KATNA1: variants seen among roughly 807,000 people sequenced by gnomAD.
KATNA1 encodes katanin p60 ATPase-containing subunit A1.
In KATNA1, 42 loss-of-function variants were observed where a neutral mutation model predicts 62.6. That is an observed-to-expected ratio of 0.67 (90% confidence interval 0.52 to 0.87). The LOEUF is 0.87. Ranked by LOEUF, KATNA1 falls within the 40% of genes least tolerant of loss-of-function variation. KATNA1 has a pLI of 0.00. For missense variants in KATNA1, 498 were observed against 612.5 expected (o/e 0.81, Z 1.97); for synonymous variants, 186 against 201.9 (o/e 0.92, Z 0.67).
intron 1 of KATNA1, 50 bp downstream of exon 1, chr6:149,648,419 G>A: frequency 6.6e-6 from 1 of 152,450 alleles, no homozygotes; most frequent in Non-Finnish European, 1.5e-5. Context: ...TCACCAGCCC[G>A]GCCCTGGAAA....
chr6:149,618,097 G>A (rs1325683127), intron 4 of KATNA1, among the ~76,000 whole-genome samples: 1 of 149,150 alleles, frequency 6.7e-6, no homozygotes, highest in Admixed American at 6.7e-5. Context: ...GGAGGTTGCA[G>A]TGAGCTGAGA....
chr6:149,600,855 G>A (rs1452020737), intron 7 of KATNA1, among the ~76,000 whole-genome samples: 3 of 151,672 alleles, frequency 2.0e-5, no homozygotes, highest in Non-Finnish European at 4.4e-5. Flanking sequence ...GATGGGAAGA[G>A]CACTTGGGCC....
rs1360690598 is a variant in KATNA1 at position 149,601,588 on chromosome 6, A to G, written c.888+6T>C. ...AAGAATCATTAGAGCTGTCTCAAACATTCACCATTTCAAACAGAAGACGAA... is the reference window on the plus strand; with the variant it reads ...AAGAATCATTAGAGCTGTCTCAAACGTTCACCATTTCAAACAGAAGACGAA... On this transcript the variant is annotated splice_donor_region_variant and intron_variant, in intron 7 of 10. Coordinates refer to ENST00000367411, the MANE Select transcript of KATNA1 (RefSeq NM_007044.4). 2 of 1,599,024 alleles carry G rather than the reference A, an allele frequency of 1.3e-6. No homozygotes were observed. The highest frequency in any genetic ancestry group is 2.2e-5 in the East Asian group (1 of 44,578).
At chr6:149,622,891 C>G (rs1462913291) in intron 4 of KATNA1, among the ~76,000 whole-genome samples, 2 of 152,092 alleles carry the variant, frequency 1.3e-5, no homozygotes, top group African/African-American at 4.8e-5. Flanking sequence ...CACTTGTAAT[C>G]CCTGCCACTC....
At chr6:149,623,724 C>G (rs577025121) in intron 3 of KATNA1, among the ~76,000 whole-genome samples, 1 of 151,846 alleles carries the variant, frequency 6.6e-6, no homozygotes, top group African/African-American at 2.4e-5. Flanking sequence ...GGCAACAGAA[C>G]GAGACTCCGT....
In KATNA1 at chr6:149,632,890, A is replaced by G; in HGVS notation, c.189T>C (p.Ala63=). 1 of 1,608,214 alleles carries G rather than the reference A, an allele frequency of 6.2e-7. No individual in the cohort carries two copies. Among genetic ancestry groups the G allele is most frequent in the Non-Finnish European group, 8.5e-7 (1 of 1,178,804 alleles). Reference sequence around the variant, plus strand: ...TTTTCATGATATCTTTAACATGTTTAGCTTCCACATTTATTTCCTGCCAAA... The same window carrying G: ...TTTTCATGATATCTTTAACATGTTTGGCTTCCACATTTATTTCCTGCCAAA... The part of the protein sequence containing the change: ...QQVWQEINVE[A]KHVKDIMKTL... Residue 63 remains alanine, a synonymous_variant, in exon 3 of 11, where the codon GCT becomes GCC. Coordinates refer to ENST00000367411, the MANE Select transcript of KATNA1 (RefSeq NM_007044.4).
At chr6:149,637,143 G>A (rs1780092976) in intron 2 of KATNA1, among the ~76,000 whole-genome samples, 5 of 151,856 alleles carry the variant, frequency 3.3e-5, no homozygotes, top group African/African-American at 1.2e-4. Context: ...CAGGCATGGT[G>A]GCTCACACCT....
rs931616778 is a variant in KATNA1 at position 149,599,647 on chromosome 6, A to G, written c.889-1297T>C. 4.0e-5 allele frequency among the ~76,000 whole-genome samples: 6 copies of G among 151,786 alleles called. 1 individual carries two copies. The highest frequency in any genetic ancestry group is 1.5e-4 in the African/African-American group (6 of 41,304). On this transcript the variant is annotated intron_variant, in intron 7 of 10. Coordinates refer to ENST00000367411, the MANE Select transcript of KATNA1 (RefSeq NM_007044.4). ...ATTCTCCTGCCTCAGCCTCCCAAGT[A>G]GCTGGGATTACAGGTGCACGCCACC...
chr6:149,643,715 C>T (rs1241164200), intron 1 of KATNA1, among the ~76,000 whole-genome samples: 1 of 150,460 alleles, frequency 6.6e-6, no homozygotes, highest in Non-Finnish European at 1.5e-5. Context: ...GACAGGGTCT[C>T]ATTCTGCAGC....
chr6:149,630,584 C>A (rs999987818), intron 3 of KATNA1, among the ~76,000 whole-genome samples: 1 of 151,994 alleles, frequency 6.6e-6, no homozygotes, highest in South Asian at 2.1e-4. Context: ...GCCGAGATAG[C>A]GCCACTGCAC....
At chr6:149,626,139 A>G (rs1375349929) in intron 3 of KATNA1, among the ~76,000 whole-genome samples, 1 of 152,194 alleles carries the variant, frequency 6.6e-6, no homozygotes, top group Non-Finnish European at 1.5e-5. Flanking sequence ...TTGGCCTTCC[A>G]TATCTGCAGA....
At chr6:149,613,206 A>AAAAAAAAAAAAAAT (rs1779031093) in intron 4 of KATNA1, among the ~76,000 whole-genome samples, 1 of 142,760 alleles carries the variant, frequency 7.0e-6, no homozygotes, top group African/African-American at 2.7e-5. Flanking sequence ...AAAAAAAAAA[A>AAAAAAAAAAAAAAT]AAAAAAAAAA....
chr6:149,645,981 T>C (rs931040704), intron 1 of KATNA1, among the ~76,000 whole-genome samples: 5 of 152,136 alleles, frequency 3.3e-5, no homozygotes, highest in Non-Finnish European at 7.3e-5. Context: ...TTATTCTCTC[T>C]CTAAACAACA....
At chr6:149,600,194 TAAAA>T (rs67468519) in intron 7 of KATNA1, among the ~76,000 whole-genome samples, 11 of 67,990 alleles carry the variant, frequency 1.6e-4, no homozygotes, top group African/African-American at 1.8e-4. Flanking sequence ...GAGCTTATCT[TAAAA>T]AAAAAAAAAA....
In KATNA1 at chr6:149,614,823, A is replaced by G. The variant is rs141226086; in HGVS notation, c.501+8280T>C. On this transcript the variant is annotated intron_variant, in intron 4 of 10. Transcript: ENST00000367411. ...CACAAAAGAAAATGAGAAGGGAATTAAAACATTTCACTGCAAAAACTCAAC... is the reference window on the plus strand; with the variant it reads ...CACAAAAGAAAATGAGAAGGGAATTGAAACATTTCACTGCAAAAACTCAAC... 7.9e-5 allele frequency among the ~76,000 whole-genome samples: 12 copies of G among 152,306 alleles called. No individual in the cohort carries two copies. The East Asian group carries it at 2.1e-3, about 27-fold the overall frequency.
At chr6:149,608,343 C>G (rs1480646264) in intron 4 of KATNA1, among the ~76,000 whole-genome samples, 1 of 152,150 alleles carries the variant, frequency 6.6e-6, no homozygotes, top group African/African-American at 2.4e-5. Flanking sequence ...TTCTTTCTTT[C>G]AAATATCCAA....
Position 149,598,248 on chromosome 6 carries a change from C to A in KATNA1, c.991G>T (p.Ala331Ser), listed in dbSNP as rs766930372. 1 of 1,613,974 alleles carries A rather than the reference C, an allele frequency of 6.2e-7. No homozygotes were observed. The highest frequency in any genetic ancestry group is 1.1e-5 in the South Asian group (1 of 91,072). Residue 331 changes from alanine (A) to serine (S), a missense_variant, in exon 8 of 11, where the codon GCG becomes TCG. Ala to Ser is a moderately conservative substitution (Grantham distance 99). This residue lies in a region of KATNA1 where 267 missense variants were observed against 372.6 expected (regional missense o/e 0.72). Transcript: ENST00000367411. ...CCATCCATCTGAACCAGCAGCTCCG[C>A]TTTCACCCTTCTGCTTGCTTCATGT... ...EEHEASRRVK[A>S]ELLVQMDGVG...
chr6:149,602,369 AAAC>A (rs1198562202), intron 6 of KATNA1, among the ~76,000 whole-genome samples: 3 of 152,110 alleles, frequency 2.0e-5, no homozygotes, highest in Non-Finnish European at 4.4e-5. Context: ...TCTCAAAACA[AAAC>A]AAACAAAATA....
intron 4 of KATNA1, among the ~76,000 whole-genome samples, chr6:149,614,617 T>A (rs1779094634): frequency 6.6e-6 from 1 of 151,840 alleles, no homozygotes; most frequent in Non-Finnish European, 1.5e-5. Flanking sequence ...ACAAAAAAGA[T>A]GAAAACATCA....
Sources: allele counts gnomAD v4.1 joint callset (sites outside exome capture counted in the v4.1 genomes callset), GRCh38; gene constraint gnomAD v4.1.1; regional missense constraint gnomAD v4.1.1; transcripts MANE v1.5; gene names NCBI Gene and HGNC (gene_info 2026-07-23, HGNC 2026-07-21).